The following CACNA1A variants were observed in gnomAD, a reference collection of about 807,000 sequenced individuals.
CACNA1A encodes calcium voltage-gated channel subunit alpha1 A, also known as voltage-dependent P/Q-type calcium channel subunit alpha-1A.
A neutral mutation model predicts 262.4 loss-of-function variants in CACNA1A; 57 were observed. That is an observed-to-expected ratio of 0.22 (90% confidence interval 0.18 to 0.27). The LOEUF is 0.27. CACNA1A is among the 10% of genes least tolerant of loss of function. The pLI, the probability that CACNA1A is intolerant of heterozygous loss-of-function variation, is 1.00. For missense variants in CACNA1A, 2,526 were observed against 3,562.8 expected (o/e 0.71, Z 7.41); for synonymous variants, 1,431 against 1,419.3 (o/e 1.01, Z -0.18).
In CACNA1A at chr19:13,504,965, T is replaced by TA. The variant is rs113892561; in HGVS notation, c.293+966dup. On this transcript the variant is annotated intron_variant, in intron 1 of 46. Coordinates refer to ENST00000360228, the MANE Select transcript of CACNA1A (RefSeq NM_001127222.2). ...CACCTTTTTCCTCTGGATCTTTGAT[T>TA]AAAAAAAAAAAAATTTAAAAGGCAT... Among the ~76,000 whole-genome samples, 920 of 146,700 alleles carry TA rather than the reference T, an allele frequency of 6.3e-3. 10 individuals are homozygous for TA. The highest frequency in any genetic ancestry group is 0.019 in the African/African-American group (748 of 40,198).
At chr19:13,473,615 G>A (rs1978296114) in intron 1 of CACNA1A, among the ~76,000 whole-genome samples, 1 of 152,140 alleles carries the variant, frequency 6.6e-6, no homozygotes, top group South Asian at 2.1e-4. Flanking sequence ...AATTATGTCT[G>A]TATTTGCCTA....
chr19:13,378,678 T>A (rs1199571220), intron 3 of CACNA1A, among the ~76,000 whole-genome samples: 3 of 145,084 alleles, frequency 2.1e-5, no homozygotes, highest in Admixed American at 6.9e-5. Context: ...TTATTTATTT[T>A]TTGAGACAGA....
chr19:13,307,907 G>T, intron 14 of CACNA1A, 53 bp from the exon 15 acceptor site: 1 of 1,527,176 alleles, frequency 6.5e-7, no homozygotes, highest in Non-Finnish European at 9.1e-7. Context: ...GTGCTCTGAG[G>T]GTGTGGCTCA....
chr19:13,351,518 A>T (rs1418732509), intron 6 of CACNA1A, among the ~76,000 whole-genome samples: 1 of 150,408 alleles, frequency 6.6e-6, no homozygotes, highest in Non-Finnish European at 1.5e-5. Flanking sequence ...ATTAAAAAAC[A>T]TTTTTTTTGA....
intron 3 of CACNA1A, among the ~76,000 whole-genome samples, chr19:13,387,056 T>A (rs62111201): frequency 0.18 from 27,615 of 151,664 alleles, 2,817 homozygotes; most frequent in East Asian, 0.39. Context: ...GGTTCAAATG[T>A]TTCTCCTGCC....
intron 2 of CACNA1A, among the ~76,000 whole-genome samples, chr19:13,454,872 T>A (rs565820702): frequency 6.6e-6 from 1 of 152,022 alleles, no homozygotes; most frequent in Admixed American, 6.6e-5. Context: ...AGTGGGAGGA[T>A]GGCTTGAGCC....
Position 13,255,277 on chromosome 19 carries a change from G to A in CACNA1A, c.4591-18C>T, listed in dbSNP as rs1377658073. On this transcript the variant is annotated intron_variant, in intron 28 of 46. Transcript: ENST00000360228. ...CAGGCCCTCTGCGGGAGAGAGGCCA[G>A]TGGTGAGAGCGGCAGAGGCAGGAGG... 3 of 1,576,276 alleles carry A rather than the reference G, an allele frequency of 1.9e-6. No individual in the cohort carries two copies. The highest frequency in any genetic ancestry group is 3.5e-5 in the Admixed American group (2 of 57,848).
intron 34 of CACNA1A, among the ~76,000 whole-genome samples, chr19:13,234,549 G>A (rs905613995): frequency 6.6e-6 from 1 of 152,050 alleles, no homozygotes; most frequent in African/African-American, 2.4e-5. Context: ...ATAATGCCTG[G>A]AAAATGACCT....
rs2304094 is a variant in CACNA1A at position 13,208,867 on chromosome 19, G to A, written c.6669C>T (p.Pro2223=). Residue 2223 remains proline (P), a synonymous_variant, in exon 46 of 47, where the codon CCC becomes CCT. Coordinates refer to ENST00000360228, the MANE Select transcript of CACNA1A (RefSeq NM_001127222.2). Reference sequence around the variant, plus strand: ...GTTCCTGGGCATAGCGGTCCTTGTCGGGGGGCGGGGGATGGTGGTGGTGGT... The same window carrying A: ...GTTCCTGGGCATAGCGGTCCTTGTCAGGGGGCGGGGGATGGTGGTGGTGGT... The part of the protein sequence containing the change: ...HHHHHHHPPP[P]DKDRYAQERP... The A allele has an allele frequency of 2.0e-4, 308 of 1,535,992 alleles. 4 individuals are homozygous for A. The East Asian group carries it at 7.3e-3, about 36-fold the overall frequency.
At chr19:13,318,890 C>CTTT (rs751530649) in intron 10 of CACNA1A, among the ~76,000 whole-genome samples, 11,799 of 114,596 alleles carry the variant, frequency 0.1, 1,144 homozygotes, top group South Asian at 0.19. Context: ...TAAAATACAT[C>CTTT]TTTTTTTTTT....
At chr19:13,335,629 G>A (rs769052965) in intron 7 of CACNA1A, among the ~76,000 whole-genome samples, 177 bp downstream of exon 7, 3 of 152,170 alleles carry the variant, frequency 2.0e-5, no homozygotes, top group African/African-American at 4.8e-5. Context: ...GGTACCCCTA[G>A]CAGTACACAA....
intron 3 of CACNA1A, among the ~76,000 whole-genome samples, chr19:13,396,252 C>T (rs1457541709): frequency 2.0e-5 from 3 of 152,234 alleles, no homozygotes; most frequent in Non-Finnish European, 4.4e-5. Context: ...CTAAAGCTTT[C>T]TGACTCTACT....
rs535636293 is a variant in CACNA1A at position 13,322,708 on chromosome 19, G to T, written c.1346-5387C>A. On this transcript the variant is annotated intron_variant, in intron 10 of 46. Coordinates refer to ENST00000360228, the MANE Select transcript of CACNA1A (RefSeq NM_001127222.2). The stretch of plus-strand genomic sequence containing the variant: ...CCTCCTGGGTTTAAGCAATTCTCCT[G>T]CCTCAGCCTCCTGAGTAGCTGGGAC... Among the ~76,000 whole-genome samples, 22 of 152,028 alleles carry T rather than the reference G, an allele frequency of 1.4e-4. No homozygotes were observed. In the South Asian group the frequency reaches 4.6e-3, roughly 32 times the overall value.
chr19:13,347,059 G>GTTTTTTTTTTTT (rs1207564258), intron 6 of CACNA1A, among the ~76,000 whole-genome samples: 4 of 58,388 alleles, frequency 6.9e-5, no homozygotes, highest in Non-Finnish European at 1.4e-4. Flanking sequence ...TGTTTTTTTT[G>GTTTTTTTTTTTT]TTTTTTTGTT....
chr19:13,310,087 G>A, intron 12 of CACNA1A, among the ~76,000 whole-genome samples: 1 of 152,068 alleles, frequency 6.6e-6, no homozygotes, highest in East Asian at 1.9e-4. Context: ...GACCTTTTGT[G>A]TTTGGTTTCT....
chr19:13,215,922 GTTTTA>G (rs1233055666), intron 38 of CACNA1A, among the ~76,000 whole-genome samples: 6 of 152,020 alleles, frequency 3.9e-5, no homozygotes, highest in Middle Eastern at 3.2e-3. Flanking sequence ...TTTGGTTTTG[GTTTTA>G]TTTTGATTTT....
chr19:13,435,578 T>C (rs2060596562), intron 3 of CACNA1A, among the ~76,000 whole-genome samples: 1 of 152,006 alleles, frequency 6.6e-6, no homozygotes, highest in South Asian at 2.1e-4. Context: ...AGATGTACAC[T>C]GGGGACAATG....
At position 13,463,416 on chromosome 19, in the gene CACNA1A, G is replaced by T. The variant is rs539947495; in HGVS notation, c.294-8204C>A. 3.3e-5 allele frequency among the ~76,000 whole-genome samples: 5 copies of T among 152,270 alleles called. No individual in the cohort carries two copies. The South Asian group carries it at 1.0e-3, about 32-fold the overall frequency. The stretch of plus-strand genomic sequence containing the variant: ...TCTAACCAAAATGAAGCCTGGAAAA[G>T]ATCTCTCCACTCGCTGATCAGCCTA... On this transcript the variant is annotated intron_variant, in intron 1 of 46. Coordinates refer to ENST00000360228, the MANE Select transcript of CACNA1A (RefSeq NM_001127222.2).
intron 1 of CACNA1A, among the ~76,000 whole-genome samples, chr19:13,470,544 A>G (rs2061330391): frequency 6.6e-6 from 1 of 152,122 alleles, no homozygotes; most frequent in African/African-American, 2.4e-5. Context: ...ATCACCCTTT[A>G]TCTATCTCTA....
Sources: gnomAD v4.1 joint callset for allele counts (sites outside exome capture counted in the v4.1 genomes callset) on GRCh38, gnomAD v4.1.1 for gene constraint, MANE v1.5 for transcripts, NCBI Gene and HGNC (gene_info 2026-07-23, HGNC 2026-07-21) for gene names.